The following ANOS1 variants were observed in gnomAD, a reference collection of about 807,000 sequenced individuals.
ANOS1 encodes the protein anosmin-1.
Under a neutral mutation model 59.0 loss-of-function variants are expected in ANOS1, and 6 were observed. That is an observed-to-expected ratio of 0.10 (90% CI 0.06 to 0.20). ANOS1 has a LOEUF of 0.20. Among genes scored for constraint, ANOS1 ranks in the 10% least tolerant of loss-of-function variants. The pLI, the probability that ANOS1 is intolerant of heterozygous loss-of-function variation, is 1.00. For missense variants in ANOS1, 433 were observed against 542.3 expected, an observed-to-expected ratio of 0.80 and a Z score of 2.00; for synonymous variants, 217 against 223.4, an observed-to-expected ratio of 0.97 and a Z score of 0.25.
intron 2 of ANOS1, among the ~76,000 whole-genome samples, chrX:8,653,837 T>C (rs755800436): frequency 8.9e-6 from 1 of 112,043 alleles, no homozygotes; most frequent in East Asian, 2.8e-4. Flanking sequence ...ACACAGTAGG[T>C]ATTCAATAAA....
chrX:8,673,241 A>T (rs952645930), intron 2 of ANOS1, among the ~76,000 whole-genome samples: 4 of 108,941 alleles, frequency 3.7e-5, no homozygotes, highest in Non-Finnish European at 7.6e-5. Flanking sequence ...ACGGCAAACA[A>T]CTAATTTAAT....
intron 9 of ANOS1, among the ~76,000 whole-genome samples, chrX:8,551,481 T>C (rs1449415141): frequency 9.3e-6 from 1 of 107,130 alleles, no homozygotes; most frequent in African/African-American, 3.4e-5. Flanking sequence ...CTACTGAAAA[T>C]ACAAAAAATT....
At chrX:8,708,913 C>T (rs1163294535) in intron 1 of ANOS1, among the ~76,000 whole-genome samples, 1 of 111,894 alleles carries the variant, frequency 8.9e-6, no homozygotes, top group Non-Finnish European at 1.9e-5. Context: ...CACATATACA[C>T]CATGGAATAC....
chrX:8,638,027 C>A (rs1287575486), intron 2 of ANOS1, among the ~76,000 whole-genome samples: 5 of 111,794 alleles, frequency 4.5e-5, no homozygotes, highest in African/African-American at 1.6e-4. Context: ...TTGACTCTCA[C>A]ATTGTTACTC....
chrX:8,654,742 G>T (rs1486762396), intron 2 of ANOS1, among the ~76,000 whole-genome samples: 1 of 111,989 alleles, frequency 8.9e-6, no homozygotes, highest in Non-Finnish European at 1.9e-5. Flanking sequence ...TAAAATCAGG[G>T]GCCGGGTGTC....
chrX:8,567,422 C>T (rs1009308017), intron 8 of ANOS1, among the ~76,000 whole-genome samples: 2 of 105,344 alleles, frequency 1.9e-5, no homozygotes, highest in Non-Finnish European at 4.0e-5. Context: ...ATTCTCAGTA[C>T]TATGATTTAT....
At chrX:8,649,117 C>T (rs1261286751) in intron 2 of ANOS1, among the ~76,000 whole-genome samples, 2 of 111,622 alleles carry the variant, frequency 1.8e-5, no homozygotes, top group African/African-American at 3.3e-5. Context: ...CCCCCAGGAA[C>T]GATACCCAAA....
intron 1 of ANOS1, among the ~76,000 whole-genome samples, chrX:8,730,064 G>A (rs762570802): frequency 9.0e-6 from 1 of 111,498 alleles, no homozygotes; most frequent in African/African-American, 3.3e-5. Context: ...CCTTTCACGG[G>A]AACTGGCTTC....
At chrX:8,727,359 G>T (rs1270075312) in intron 1 of ANOS1, among the ~76,000 whole-genome samples, 2 of 111,928 alleles carry the variant, frequency 1.8e-5, no homozygotes, top group African/African-American at 6.5e-5. Context: ...CAGGGACCGG[G>T]CATGGGTGTA....
chrX:8,571,784 T>A lies in ANOS1; in HGVS notation c.857-1080A>T, dbSNP rs746421161. On this transcript the variant is annotated intron_variant, in intron 6 of 13. Coordinates refer to ENST00000262648, the MANE Select transcript of ANOS1 (RefSeq NM_000216.4). Reference sequence around the variant, plus strand: ...GGAGATGCTGCTCACCACCAGTGATTTACAGAGGGTTTCATTTCAAGATGC... The same window carrying A: ...GGAGATGCTGCTCACCACCAGTGATATACAGAGGGTTTCATTTCAAGATGC... Among the ~76,000 whole-genome samples, 19 of 112,028 alleles carry A rather than the reference T, an allele frequency of 1.7e-4. No individual in the cohort carries two copies. The East Asian group carries it at 5.4e-3, about 32-fold the overall frequency.
intron 1 of ANOS1, among the ~76,000 whole-genome samples, chrX:8,705,216 T>C (rs534280041): frequency 8.9e-6 from 1 of 111,759 alleles, no homozygotes. Flanking sequence ...ACTATTAGTA[T>C]CACTTAGGTT....
At chrX:8,725,415 A>G (rs182134509) in intron 1 of ANOS1, among the ~76,000 whole-genome samples, 3 of 109,067 alleles carry the variant, frequency 2.8e-5, no homozygotes, top group Non-Finnish European at 3.8e-5. Context: ...TAACCTCCAA[A>G]TTTATGATTA....
At position 8,711,173 on chromosome X, in the gene ANOS1, C is replaced by T. The variant is rs190673956; in HGVS notation, c.208-11428G>A. On this transcript the variant is annotated intron_variant, in intron 1 of 13. Coordinates refer to ENST00000262648, the MANE Select transcript of ANOS1 (RefSeq NM_000216.4). Reference sequence around the variant, plus strand: ...TCAAAATTACCATGCCTAAGACTGTCCCAAATCATCAGGTTAGTCATTGTC... The same window carrying T: ...TCAAAATTACCATGCCTAAGACTGTTCCAAATCATCAGGTTAGTCATTGTC... Among the ~76,000 whole-genome samples the T allele has an allele frequency of 4.5e-5, 5 of 112,348 alleles. No individual in the cohort carries two copies. The East Asian group carries it at 1.4e-3, about 31-fold the overall frequency.
chrX:8,708,288 T>C (rs905281578), intron 1 of ANOS1, among the ~76,000 whole-genome samples: 1 of 111,002 alleles, frequency 9.0e-6, no homozygotes, highest in Non-Finnish European at 1.9e-5. Flanking sequence ...AAAGGAACAA[T>C]AGAAATGCCT....
At chrX:8,644,719 AC>A (rs1931723957) in intron 2 of ANOS1, among the ~76,000 whole-genome samples, 1 of 111,625 alleles carries the variant, frequency 9.0e-6, no homozygotes, top group Non-Finnish European at 1.9e-5. Flanking sequence ...GGCTTCTTCA[AC>A]CCCACTGTCC....
chrX:8,616,251 T>C (rs1293645055), intron 3 of ANOS1, among the ~76,000 whole-genome samples: 1 of 111,817 alleles, frequency 8.9e-6, no homozygotes, highest in African/African-American at 3.3e-5. Context: ...TTGACGCAAC[T>C]GATTACCTCT....
At chrX:8,705,419 T>C (rs1235917949) in intron 1 of ANOS1, among the ~76,000 whole-genome samples, 1 of 111,788 alleles carries the variant, frequency 8.9e-6, no homozygotes, top group Non-Finnish European at 1.9e-5. Context: ...CCTGTTTTTC[T>C]TAAAATAATT....
chrX:8,585,464 T>G, intron 5 of ANOS1, 68 bp from the exon 6 acceptor site: 1 of 1,139,982 alleles, frequency 8.8e-7, no homozygotes, highest in Non-Finnish European at 1.2e-6. Flanking sequence ...GTTGGATCTG[T>G]TTAGAAAAAT....
At chrX:8,601,431 G>C (rs937222035) in intron 3 of ANOS1, among the ~76,000 whole-genome samples, 1 of 111,250 alleles carries the variant, frequency 9.0e-6, no homozygotes, top group Non-Finnish European at 1.9e-5. Flanking sequence ...AACTGTGAGG[G>C]ACAGGAAAAC....
Sources: gnomAD v4.1 joint callset for allele counts (sites outside exome capture counted in the v4.1 genomes callset) on GRCh38, gnomAD v4.1.1 for gene constraint, MANE v1.5 for transcripts, NCBI Gene and HGNC (gene_info 2026-07-23, HGNC 2026-07-21) for gene names.